Variants in AUTS2 observed in about 807,000 individuals in gnomAD.
The protein encoded by AUTS2 is autism susceptibility gene 2 protein.
AUTS2 carries 17 observed loss-of-function variants against 112.4 expected under a neutral mutation model. The ratio of observed to expected loss-of-function variants is 0.15; its 90% CI spans 0.10 to 0.23. The LOEUF (loss-of-function observed/expected upper bound fraction) is 0.23. Among genes scored for constraint, AUTS2 ranks in the 10% least tolerant of loss-of-function variants. The probability of loss-of-function intolerance (pLI) is 1.00; values close to 1 mark genes in which losing one functional copy is unlikely to be tolerated. For synonymous variants in AUTS2, 751 were observed against 702.7 expected (o/e 1.07, Z -1.09); for missense variants, 1,510 against 1,701.6 (o/e 0.89, Z 1.98).
At chr7:70,477,537 G>A (rs1449914659) in intron 5 of AUTS2, among the ~76,000 whole-genome samples, 1 of 152,066 alleles carries the variant, frequency 6.6e-6, no homozygotes, top group African/African-American at 2.4e-5. Flanking sequence ...TTGCACAGAG[G>A]GCATCATCAG....
chr7:69,710,095 T>A (rs1033903718), intron 1 of AUTS2, among the ~76,000 whole-genome samples: 12 of 152,110 alleles, frequency 7.9e-5, no homozygotes, highest in Non-Finnish European at 2.9e-5. Flanking sequence ...ATTTTCTAGC[T>A]CCCTATTGTC....
chr7:70,499,441 G>A (rs867298248), intron 5 of AUTS2, among the ~76,000 whole-genome samples: 1 of 152,184 alleles, frequency 6.6e-6, no homozygotes, highest in Non-Finnish European at 1.5e-5. Flanking sequence ...GGGGAACTGG[G>A]AACAACATGG....
chr7:69,960,547 G>A (rs935420408), intron 2 of AUTS2, among the ~76,000 whole-genome samples: 1 of 152,152 alleles, frequency 6.6e-6, no homozygotes, highest in Non-Finnish European at 1.5e-5. Flanking sequence ...AAGGGAGTAG[G>A]TATATGATTT....
intron 15 of AUTS2, chr7:70,784,709 A>C: frequency 3.7e-6 from 2 of 537,130 alleles, no homozygotes; most frequent in Non-Finnish European, 6.5e-6. Context: ...CACGCTGGGA[A>C]AGAGAAAGAG....
At chr7:70,400,412 TC>T (rs1206274914) in intron 4 of AUTS2, among the ~76,000 whole-genome samples, 1 of 152,110 alleles carries the variant, frequency 6.6e-6, no homozygotes, top group Non-Finnish European at 1.5e-5. Context: ...CCCAAAAAGT[TC>T]CCTAGCTCTA....
intron 5 of AUTS2, among the ~76,000 whole-genome samples, chr7:70,549,963 G>T (rs1800951274): frequency 6.6e-6 from 1 of 152,188 alleles, no homozygotes; most frequent in Non-Finnish European, 1.5e-5. Flanking sequence ...CTTGTTGATG[G>T]TTTTGTTTTG....
intron 6 of AUTS2, among the ~76,000 whole-genome samples, chr7:70,738,654 C>T (rs755848838): frequency 1.9e-4 from 29 of 151,990 alleles, no homozygotes; most frequent in Non-Finnish European, 3.1e-4. Context: ...TAATGCATGG[C>T]GCAAGGCTCC....
At chr7:70,184,214 G>T (rs578126289) in intron 4 of AUTS2, among the ~76,000 whole-genome samples, 2 of 152,204 alleles carry the variant, frequency 1.3e-5, no homozygotes, top group East Asian at 3.9e-4. Context: ...TAATTATGGT[G>T]CCTGACCTCA....
intron 5 of AUTS2, among the ~76,000 whole-genome samples, chr7:70,632,652 C>T (rs953965529): frequency 6.6e-6 from 1 of 152,094 alleles, no homozygotes; most frequent in African/African-American, 2.4e-5. Flanking sequence ...CCATCACCCT[C>T]CTCTCTCCTA....
At chr7:70,761,067 G>GA (rs1193076818) in intron 6 of AUTS2, among the ~76,000 whole-genome samples, 1 of 152,204 alleles carries the variant, frequency 6.6e-6, no homozygotes, top group Non-Finnish European at 1.5e-5. Context: ...GTTACCAAAA[G>GA]AACATTGAAA....
intron 16 of AUTS2, chr7:70,785,272 C>A: frequency 1.6e-6 from 1 of 617,756 alleles, no homozygotes; most frequent in Non-Finnish European, 3.0e-6. Flanking sequence ...TCCCATGGTG[C>A]AGTGGGTGAG....
Position 69,849,836 on chromosome 7 carries a change from C to T in AUTS2, c.310-49450C>T, listed in dbSNP as rs377058374. On this transcript the variant is annotated intron_variant, in intron 1 of 18. Coordinates refer to ENST00000342771, the MANE Select transcript of AUTS2 (RefSeq NM_015570.4). ...ACACATCAGAGTTTGTTTAATCATT[C>T]GCTTATTGAGGAACATTTTGATTCT... Among the ~76,000 whole-genome samples, 16 of 152,070 alleles carry T rather than the reference C, an allele frequency of 1.1e-4. 1 individual carries two copies. Among genetic ancestry groups the T allele is most frequent in the Admixed American group, 7.2e-4 (11 of 15,288 alleles).
chr7:69,835,155 C>T (rs1791667117), intron 1 of AUTS2, among the ~76,000 whole-genome samples: 1 of 151,906 alleles, frequency 6.6e-6, no homozygotes, highest in Non-Finnish European at 1.5e-5. Flanking sequence ...TTTCTAGAAT[C>T]TCACTAATTT....
rs993424024 is a variant in AUTS2, at chr7:70,204,015, G to A, written c.660+69444G>A. ...AAATGTTAGTTGTTTGAGCATTTTT[G>A]TATATACGTGTATGTCCACACACAT... is the stretch of plus-strand genomic sequence containing the variant. On this transcript the variant is annotated intron_variant, in intron 4 of 18. Transcript: ENST00000342771. 2.8e-5 allele frequency among the ~76,000 whole-genome samples: 4 copies of A among 143,992 alleles called. No homozygotes were observed. In the Admixed American group the frequency reaches 2.8e-4, roughly 10 times the overall value. The allele number at this position is 143,992 out of a possible 152,430, so 94.5% of individuals were successfully genotyped here. A position where few individuals can be genotyped will look rare whatever the true frequency, so the allele number is the denominator to read the frequency against.
At chr7:70,142,090 G>T (rs1339856365) in intron 4 of AUTS2, among the ~76,000 whole-genome samples, 2 of 152,172 alleles carry the variant, frequency 1.3e-5, no homozygotes, top group South Asian at 2.1e-4. Context: ...AATAGGCTGG[G>T]TATTTTTAAA....
At chr7:70,627,977 C>T (rs564859893) in intron 5 of AUTS2, among the ~76,000 whole-genome samples, 6 of 152,064 alleles carry the variant, frequency 3.9e-5, no homozygotes, top group Admixed American at 2.0e-4. Flanking sequence ...GGAAGCTTGC[C>T]GGGATACTCT....
At chr7:70,650,817 C>A (rs761953529) in intron 5 of AUTS2, among the ~76,000 whole-genome samples, 48 of 152,156 alleles carry the variant, frequency 3.2e-4, no homozygotes, top group Non-Finnish European at 4.0e-4. Flanking sequence ...CAAGAAGTTT[C>A]CAGGCTAGAT....
chr7:70,736,260 T>C (rs1787776255), intron 6 of AUTS2, among the ~76,000 whole-genome samples: 1 of 151,750 alleles, frequency 6.6e-6, no homozygotes, highest in Non-Finnish European at 1.5e-5. Flanking sequence ...AAGAGTTAAA[T>C]ATGTATTACA....
chr7:70,567,771 C>T (rs1281555698), intron 5 of AUTS2, among the ~76,000 whole-genome samples: 1 of 152,126 alleles, frequency 6.6e-6, no homozygotes, highest in Non-Finnish European at 1.5e-5. Flanking sequence ...TGATTGTTTT[C>T]CATGGACCTG....
Sources: gnomAD v4.1 joint callset for allele counts (sites outside exome capture counted in the v4.1 genomes callset) on GRCh38, gnomAD v4.1.1 for gene constraint, MANE v1.5 for transcripts, NCBI Gene and HGNC (gene_info 2026-07-23, HGNC 2026-07-21) for gene names.